Variants in KLHL32 observed in about 807,000 individuals in gnomAD.
KLHL32 encodes the protein kelch-like protein 32.
In KLHL32, 35 loss-of-function variants were observed where a neutral mutation model predicts 64.8. The observed-to-expected ratio is 0.54, with a 90% CI of 0.41 to 0.72. The LOEUF (loss-of-function observed/expected upper bound fraction) is 0.72, where lower values mean the gene tolerates loss of function less well. Ranked by LOEUF, KLHL32 falls within the 30% of genes least tolerant of loss-of-function variation. The pLI is 0.00. For missense variants in KLHL32, 589 were observed against 768.5 expected (o/e 0.77, Z 2.76); for synonymous variants, 259 against 281.0 (o/e 0.92, Z 0.78).
chr6:96,957,412 CAT>C (rs571529051), intron 1 of KLHL32, among the ~76,000 whole-genome samples: 74 of 152,140 alleles, frequency 4.9e-4, no homozygotes, highest in African/African-American at 1.7e-3. Context: ...TTCATTTTGT[CAT>C]ATTATAAAGT....
chr6:97,119,230 C>T (rs1043118637), intron 7 of KLHL32, among the ~76,000 whole-genome samples: 1 of 152,168 alleles, frequency 6.6e-6, no homozygotes, highest in Admixed American at 6.5e-5. Flanking sequence ...CGCACAGTGG[C>T]ACTCTCAGCC....
intron 3 of KLHL32, among the ~76,000 whole-genome samples, chr6:97,010,573 A>G (rs559758243): frequency 6.6e-6 from 1 of 152,244 alleles, no homozygotes; most frequent in African/African-American, 2.4e-5. Flanking sequence ...TTTATCCCTC[A>G]TGTTTCCTCA....
At chr6:97,076,780 C>A (rs1034512330) in intron 5 of KLHL32, among the ~76,000 whole-genome samples, 6 of 151,986 alleles carry the variant, frequency 3.9e-5, no homozygotes. Context: ...TTTTAGGTTG[C>A]CATATTTATC....
intron 10 of KLHL32, among the ~76,000 whole-genome samples, chr6:97,135,559 A>G (rs1042461203): frequency 2.6e-5 from 4 of 152,032 alleles, no homozygotes; most frequent in Non-Finnish European, 4.4e-5. Context: ...CGGCCTCCCA[A>G]AGTGCTGGGA....
intron 3 of KLHL32, among the ~76,000 whole-genome samples, chr6:96,993,444 A>G (rs1778109334): frequency 6.6e-6 from 1 of 152,236 alleles, no homozygotes; most frequent in Non-Finnish European, 1.5e-5. Context: ...CAAGAGGACC[A>G]GCCTCAAGGC....
At chr6:97,051,844 T>G (rs1039844224) in intron 4 of KLHL32, among the ~76,000 whole-genome samples, 2 of 152,178 alleles carry the variant, frequency 1.3e-5, no homozygotes, top group African/African-American at 4.8e-5. Flanking sequence ...ACTTTTTCTC[T>G]TATTGAGAAA....
intron 10 of KLHL32, among the ~76,000 whole-genome samples, chr6:97,134,402 T>C (rs926096575): frequency 3.3e-5 from 5 of 152,188 alleles, no homozygotes; most frequent in African/African-American, 4.8e-5. Context: ...TAACAACAAA[T>C]GAACAAACTT....
At chr6:97,066,530 T>C (rs1200280495) in intron 5 of KLHL32, among the ~76,000 whole-genome samples, 1 of 152,264 alleles carries the variant, frequency 6.6e-6, no homozygotes, top group Non-Finnish European at 1.5e-5. Context: ...GCTTCTTGAA[T>C]AGTGGTTGAA....
chr6:97,080,538 C>G (rs1379986893), intron 5 of KLHL32, among the ~76,000 whole-genome samples: 1 of 152,182 alleles, frequency 6.6e-6, no homozygotes, highest in Non-Finnish European at 1.5e-5. Context: ...AGGGTGCTTG[C>G]AGTGACAAGT....
intron 5 of KLHL32, among the ~76,000 whole-genome samples, chr6:97,082,972 T>A (rs1028784296): frequency 4.6e-5 from 7 of 152,214 alleles, no homozygotes; most frequent in Non-Finnish European, 8.8e-5. Context: ...TGCTCAAATA[T>A]ACTTTATTGT....
the KLHL32 span, among the ~76,000 whole-genome samples, chr6:96,913,774 A>G: frequency 6.6e-6 from 1 of 152,148 alleles, no homozygotes; most frequent in Non-Finnish European, 1.5e-5. Flanking sequence ...TGTGCACCTT[A>G]ATAACTAGGG....
At chr6:97,116,121 C>T (rs1023622464) in intron 7 of KLHL32, among the ~76,000 whole-genome samples, 5 of 151,864 alleles carry the variant, frequency 3.3e-5, no homozygotes, top group African/African-American at 4.8e-5. Flanking sequence ...TTTAAGTGCT[C>T]AATAAATTAA....
upstream of KLHL32, among the ~76,000 whole-genome samples, chr6:96,921,755 TA>T (rs1768762037): frequency 1.3e-5 from 2 of 152,188 alleles, no homozygotes; most frequent in African/African-American, 4.8e-5. Flanking sequence ...CTGATCTGTG[TA>T]GAGACAGTTT....
chr6:97,093,218 TA>T lies in KLHL32; in HGVS notation c.627+7878del, dbSNP rs1266852581. 2.6e-5 allele frequency among the ~76,000 whole-genome samples: 4 copies of T among 152,272 alleles called. No homozygotes were observed. In the East Asian group the frequency reaches 7.7e-4, roughly 29 times the overall value. ...ACCCAACTATAAGCCATATATGAGG[TA>T]GAAACCCTGAGGCTAGCGTAGAAGT... On this transcript the variant is annotated intron_variant, in intron 6 of 10. Coordinates refer to ENST00000369261, the MANE Select transcript of KLHL32 (RefSeq NM_052904.4).
At chr6:97,049,056 A>G (rs1222734061) in intron 4 of KLHL32, among the ~76,000 whole-genome samples, 1 of 152,218 alleles carries the variant, frequency 6.6e-6, no homozygotes. Context: ...AAGGAAGAAT[A>G]TAGCATCCCT....
At chr6:97,009,427 C>G (rs1212088170) in intron 3 of KLHL32, among the ~76,000 whole-genome samples, 1 of 152,118 alleles carries the variant, frequency 6.6e-6, no homozygotes, top group African/African-American at 2.4e-5. Flanking sequence ...ACCTAAAACT[C>G]TCTTCACTAT....
intron 3 of KLHL32, among the ~76,000 whole-genome samples, chr6:97,000,466 T>G (rs929359487): frequency 6.6e-6 from 1 of 152,226 alleles, no homozygotes; most frequent in Admixed American, 6.5e-5. Flanking sequence ...TTTCTGATCT[T>G]GTCCCAGATG....
intron 3 of KLHL32, among the ~76,000 whole-genome samples, chr6:97,018,579 C>T (rs929197570): frequency 2.0e-5 from 3 of 147,376 alleles, no homozygotes; most frequent in Non-Finnish European, 3.0e-5. Flanking sequence ...CCAGCCTGGA[C>T]GACAGAGCAA....
At chr6:97,079,896 A>T (rs1366136184) in intron 5 of KLHL32, among the ~76,000 whole-genome samples, 1 of 152,198 alleles carries the variant, frequency 6.6e-6, no homozygotes, top group East Asian at 1.9e-4. Context: ...TCTTTTACTC[A>T]AGAGAGTTTC....
Sources: gnomAD v4.1 joint callset for allele counts (sites outside exome capture counted in the v4.1 genomes callset) on GRCh38, gnomAD v4.1.1 for gene constraint, MANE v1.5 for transcripts, NCBI Gene and HGNC (gene_info 2026-07-23, HGNC 2026-07-21) for gene names.